The following CIMIP5 variants were observed in gnomAD, a reference collection of about 807,000 sequenced individuals.
CIMIP5 encodes the protein ciliary microtubule inner protein 5.
At chr2:11,140,522 G>C in the CIMIP5 span, 1 of 1,571,756 alleles carries the variant, frequency 6.4e-7, no homozygotes, top group South Asian at 1.2e-5. Context: ...TTCAGAACTG[G>C]AGTTTCCTGA....
the CIMIP5 span, among the ~76,000 whole-genome samples, chr2:11,153,924 C>CG: frequency 7.2e-6 from 1 of 139,386 alleles, no homozygotes; most frequent in Non-Finnish European, 1.6e-5. Context: ...AACTCCGTCT[C>CG]AAAAAAAAAA....
chr2:11,143,248 T>C, the CIMIP5 span, among the ~76,000 whole-genome samples: 1 of 152,124 alleles, frequency 6.6e-6, no homozygotes, highest in Non-Finnish European at 1.5e-5. Context: ...TGAGAATGAA[T>C]GAACGGCAGC....
At chr2:11,148,608 G>A in the CIMIP5 span, among the ~76,000 whole-genome samples, 8 of 146,880 alleles carry the variant, frequency 5.4e-5, no homozygotes, top group East Asian at 1.9e-4. Flanking sequence ...CCCTGACCAC[G>A]CCCATGCCCA....
the CIMIP5 span, among the ~76,000 whole-genome samples, chr2:11,150,743 C>T: frequency 6.6e-6 from 1 of 151,884 alleles, no homozygotes; most frequent in Non-Finnish European, 1.5e-5. Context: ...GGGAACCTGC[C>T]TCCCATTTTA....
At chr2:11,142,679 C>T in the CIMIP5 span, among the ~76,000 whole-genome samples, 1 of 149,462 alleles carries the variant, frequency 6.7e-6, no homozygotes, top group African/African-American at 2.5e-5. Flanking sequence ...TAAACAGGGG[C>T]AGGAAGAGCT....
At chr2:11,147,854 C>T in the CIMIP5 span, among the ~76,000 whole-genome samples, 7 of 152,328 alleles carry the variant, frequency 4.6e-5, no homozygotes, top group African/African-American at 1.7e-4. Context: ...GCCCAGAAAA[C>T]CAGGACAGAG....
At chr2:11,148,953 C>G in the CIMIP5 span, among the ~76,000 whole-genome samples, 2 of 151,738 alleles carry the variant, frequency 1.3e-5, no homozygotes, top group African/African-American at 2.4e-5. Flanking sequence ...AAGCTGGTCT[C>G]GAACTCCTGA....
At chr2:11,149,144 C>T in the CIMIP5 span, among the ~76,000 whole-genome samples, 12 of 152,064 alleles carry the variant, frequency 7.9e-5, no homozygotes, top group East Asian at 3.9e-4. Flanking sequence ...GACACTAAAA[C>T]GACTGAGTGA....
the CIMIP5 span, chr2:11,143,837 G>T: frequency 1.7e-6 from 2 of 1,186,810 alleles, no homozygotes; most frequent in Non-Finnish European, 2.3e-6. Flanking sequence ...AAGAGAGGCA[G>T]CTGCTCTCTG....
At chr2:11,142,328 A>G in the CIMIP5 span, among the ~76,000 whole-genome samples, 1 of 151,944 alleles carries the variant, frequency 6.6e-6, no homozygotes, top group Admixed American at 6.6e-5. Context: ...CAATATGGAA[A>G]GTCACTCGAG....
chr2:11,154,566 A>G, the CIMIP5 span, among the ~76,000 whole-genome samples: 1 of 152,318 alleles, frequency 6.6e-6, no homozygotes, highest in East Asian at 1.9e-4. Flanking sequence ...CGATTTTCAG[A>G]GGTTGGAAAA....
At chr2:11,148,956 A>T in the CIMIP5 span, among the ~76,000 whole-genome samples, 1 of 150,840 alleles carries the variant, frequency 6.6e-6, no homozygotes, top group East Asian at 1.9e-4. Context: ...CTGGTCTCGA[A>T]CTCCTGACCG....
the CIMIP5 span, among the ~76,000 whole-genome samples, chr2:11,135,139 C>A: frequency 6.6e-6 from 1 of 152,318 alleles, no homozygotes; most frequent in South Asian, 2.1e-4. Flanking sequence ...GACCCAAACA[C>A]CTCCCACTAG....
At chr2:11,137,315 A>G in the CIMIP5 span, among the ~76,000 whole-genome samples, 39,347 of 152,106 alleles carry the variant, frequency 0.26, 5,327 homozygotes, top group East Asian at 0.43. Context: ...CAGAGGCTGC[A>G]ATCAGCCGAG....
chr2:11,136,282 C>A, the CIMIP5 span, among the ~76,000 whole-genome samples: 2 of 152,204 alleles, frequency 1.3e-5, no homozygotes, highest in African/African-American at 4.8e-5. Flanking sequence ...CAATTTCATT[C>A]TTTTGCATGT....
the CIMIP5 span, chr2:11,146,402 G>A: frequency 6.6e-6 from 1 of 152,260 alleles, no homozygotes; most frequent in South Asian, 2.1e-4. Context: ...TCAATGAATT[G>A]ATTCCCCCAA....
chr2:11,140,570 G>A, the CIMIP5 span: 1 of 1,536,222 alleles, frequency 6.5e-7, no homozygotes, highest in Non-Finnish European at 8.9e-7. Context: ...ATATGTTCCT[G>A]CCAAACATAC....
At chr2:11,136,444 G>A in the CIMIP5 span, among the ~76,000 whole-genome samples, 10 of 152,146 alleles carry the variant, frequency 6.6e-5, no homozygotes, top group Non-Finnish European at 1.3e-4. Flanking sequence ...TAATAAGGAG[G>A]AGAAGAAAAT....
chr2:11,146,660 C>T, the CIMIP5 span: 1 of 152,196 alleles, frequency 6.6e-6, no homozygotes, highest in East Asian at 1.9e-4. Context: ...CAGGAAGAGG[C>T]CCAACCCTTC....
Sources: allele counts gnomAD v4.1 joint callset (sites outside exome capture counted in the v4.1 genomes callset), GRCh38; gene constraint gnomAD v4.1.1; transcripts MANE v1.5; gene names NCBI Gene and HGNC (gene_info 2026-07-23, HGNC 2026-07-21).